Variants in OLFM2 observed in about 807,000 individuals in gnomAD.
OLFM2 encodes the protein olfactomedin 2, also known as noelin-2.
OLFM2 carries 20 observed loss-of-function variants against 43.9 expected under a neutral mutation model. The observed-to-expected ratio is 0.46, with a 90% CI of 0.32 to 0.66. OLFM2 has a LOEUF of 0.66. Ranked by LOEUF, OLFM2 falls within the 30% of genes least tolerant of loss-of-function variation. The probability of loss-of-function intolerance (pLI) is 0.04; values close to 1 mark genes in which losing one functional copy is unlikely to be tolerated. For missense variants in OLFM2, 416 were observed against 643.6 expected (o/e 0.65, Z 3.83); for synonymous variants, 268 against 278.6 (o/e 0.96, Z 0.38).
intron 1 of OLFM2, chr19:9,913,430 G>A: frequency 2.0e-6 from 2 of 992,524 alleles, no homozygotes; most frequent in Non-Finnish European, 2.4e-6. Context: ...GGCAGCGGCT[G>A]TGGCGCGGGT....
chr19:9,884,766 G>C (rs899261542), intron 1 of OLFM2, among the ~76,000 whole-genome samples: 1 of 152,116 alleles, frequency 6.6e-6, no homozygotes, highest in Non-Finnish European at 1.5e-5. Flanking sequence ...TGCATGGTGG[G>C]TGTCTGCATG....
chr19:9,914,540 C>G (rs1373906658), intron 1 of OLFM2, among the ~76,000 whole-genome samples: 4 of 151,870 alleles, frequency 2.6e-5, no homozygotes, highest in African/African-American at 9.7e-5. Flanking sequence ...GTTTCCTACC[C>G]AGGGACCACG....
At chr19:9,873,635 A>G (rs750645711) in intron 1 of OLFM2, among the ~76,000 whole-genome samples, 1 of 151,168 alleles carries the variant, frequency 6.6e-6, no homozygotes, top group Non-Finnish European at 1.5e-5. Flanking sequence ...TTTTATTTTT[A>G]TTTTTGTTTT....
intron 1 of OLFM2, among the ~76,000 whole-genome samples, chr19:9,875,178 C>T (rs1397860041): frequency 6.6e-6 from 1 of 152,142 alleles, no homozygotes; most frequent in African/African-American, 2.4e-5. Flanking sequence ...ATCAAGGATT[C>T]ATTTCTTTAA....
Position 9,857,615 on chromosome 19 carries a change from G to T in OLFM2, c.360+100C>A. 6.3e-7 allele frequency: 1 copy of T among 1,578,246 alleles called. No individual in the cohort carries two copies. Among genetic ancestry groups the T allele is most frequent in the South Asian group, 1.1e-5 (1 of 89,778 alleles). ...GGCCCTTGACATGTGGCTCATATTGGACCCTAGATTCTTCCCAGACATGAC... is the reference window on the plus strand; with the variant it reads ...GGCCCTTGACATGTGGCTCATATTGTACCCTAGATTCTTCCCAGACATGAC... On this transcript the variant is annotated intron_variant, in intron 3 of 5. Transcript: ENST00000264833. This position sits in a 1 kb window ranked among gnomAD's most constrained non-coding sequence, Gnocchi z 5.7.
intron 1 of OLFM2, among the ~76,000 whole-genome samples, chr19:9,876,431 G>A (rs1196654985): frequency 5.3e-5 from 8 of 152,172 alleles, no homozygotes; most frequent in Admixed American, 4.6e-4. Context: ...CAGCCAGGAG[G>A]TGACATTGAT....
chr19:9,871,132 A>G (rs1346608103), intron 1 of OLFM2, among the ~76,000 whole-genome samples: 1 of 151,900 alleles, frequency 6.6e-6, no homozygotes, highest in African/African-American at 2.4e-5. Context: ...TTAGCTGGGC[A>G]TGGTGGCGAG....
rs539736000 is a variant in OLFM2, at chr19:9,900,557, C to T, written c.63+35747G>A. On this transcript the variant is annotated intron_variant, in intron 1 of 5. Coordinates refer to ENST00000264833, the MANE Select transcript of OLFM2 (RefSeq NM_058164.4). The stretch of plus-strand genomic sequence containing the variant: ...GTGCCGGGCACCTTTCTTTGCATTG[C>T]CCCCCATACTTAGCTCTGATGGGGG... Among the ~76,000 whole-genome samples the T allele has an allele frequency of 8.8e-4, 134 of 151,946 alleles. 2 individuals carry two copies. The highest frequency in any genetic ancestry group is 3.2e-3 in the African/African-American group (133 of 41,458).
At chr19:9,890,130 C>T (rs1027455838) in intron 1 of OLFM2, among the ~76,000 whole-genome samples, 1 of 152,108 alleles carries the variant, frequency 6.6e-6, no homozygotes, top group Non-Finnish European at 1.5e-5. Context: ...CTCTTCCAAG[C>T]TGCAGCTGGC....
At chr19:9,868,224 G>C (rs757039557) in intron 1 of OLFM2, among the ~76,000 whole-genome samples, 1 of 152,000 alleles carries the variant, frequency 6.6e-6, no homozygotes, top group Non-Finnish European at 1.5e-5. Context: ...CATTATGCCC[G>C]GCTAATTTTT....
At chr19:9,910,624 G>C (rs2046819727) in intron 1 of OLFM2, among the ~76,000 whole-genome samples, 1 of 152,140 alleles carries the variant, frequency 6.6e-6, no homozygotes, top group Non-Finnish European at 1.5e-5. Flanking sequence ...GAGGCAGATG[G>C]ATGGTGGAAG....
chr19:9,890,421 G>C (rs1599483407), intron 1 of OLFM2, among the ~76,000 whole-genome samples: 1 of 152,212 alleles, frequency 6.6e-6, no homozygotes, highest in Admixed American at 6.5e-5. Flanking sequence ...GAAGGAAACA[G>C]GTCATGAGAA....
chr19:9,922,276 AC>A, intron 1 of OLFM2, among the ~76,000 whole-genome samples: 1 of 13,772 alleles, frequency 7.3e-5, no homozygotes, highest in East Asian at 1.0e-3. Context: ...ATCTAGATAC[AC>A]ACACACACAC....
chr19:9,933,036 G>C (rs534499208), intron 1 of OLFM2, among the ~76,000 whole-genome samples: 1 of 151,922 alleles, frequency 6.6e-6, no homozygotes, highest in Non-Finnish European at 1.5e-5. Context: ...CCACACCAGC[G>C]TCCACACTGC....
At chr19:9,921,881 C>T (rs1422328651) in intron 1 of OLFM2, among the ~76,000 whole-genome samples, 1 of 152,002 alleles carries the variant, frequency 6.6e-6, no homozygotes, top group Non-Finnish European at 1.5e-5. Flanking sequence ...ATGGTTTGAA[C>T]CCAGGAATTT....
chr19:9,868,277 G>A (rs1181175524), intron 1 of OLFM2, among the ~76,000 whole-genome samples: 2 of 152,026 alleles, frequency 1.3e-5, no homozygotes, highest in East Asian at 3.9e-4. Context: ...GGCCAGGCTG[G>A]TCTTGAACTC....
intron 1 of OLFM2, among the ~76,000 whole-genome samples, chr19:9,903,670 G>T (rs940647497): frequency 1.3e-4 from 20 of 152,162 alleles, no homozygotes; most frequent in African/African-American, 4.8e-4. Flanking sequence ...AGGTCACATG[G>T]CACTTACGAG....
At chr19:9,929,932 G>A (rs188247107) in intron 1 of OLFM2, among the ~76,000 whole-genome samples, 17 of 152,224 alleles carry the variant, frequency 1.1e-4, no homozygotes, top group African/African-American at 3.9e-4. Context: ...CCAGCTACTC[G>A]GGAGGTTGAG....
intron 1 of OLFM2, among the ~76,000 whole-genome samples, chr19:9,914,780 C>T (rs944425927): frequency 1.3e-5 from 2 of 151,992 alleles, no homozygotes; most frequent in Middle Eastern, 6.4e-3. Flanking sequence ...AGAGGAGCGC[C>T]GGGCTAGTTT....
Sources: allele counts gnomAD v4.1 joint callset (sites outside exome capture counted in the v4.1 genomes callset), GRCh38; gene constraint gnomAD v4.1.1; non-coding constraint Gnocchi (gnomAD v3.1); transcripts MANE v1.5; gene names NCBI Gene and HGNC (gene_info 2026-07-23, HGNC 2026-07-21).